The following ZNF83 variants were observed in gnomAD, a reference collection of about 807,000 sequenced individuals.
The protein encoded by ZNF83 is zinc finger protein 816B.
For synonymous variants in ZNF83, 209 were observed against 213.0 expected, an observed-to-expected ratio of 0.98 and a Z score of 0.17; for missense variants, 552 against 629.9, an observed-to-expected ratio of 0.88 and a Z score of 1.32.
chr19:52,655,265 T>C, intron 3 of ZNF83: 1 of 313,578 alleles, frequency 3.2e-6, no homozygotes. Context: ...GCTCATCTCC[T>C]GGGCCACCCT....
chr19:52,667,280 G>A (rs558494373), intron 1 of ZNF83, among the ~76,000 whole-genome samples: 1 of 150,738 alleles, frequency 6.6e-6, no homozygotes, highest in Admixed American at 6.6e-5. Context: ...AATGTTATAT[G>A]GTAAATTCTT....
intron 2 of ZNF83, among the ~76,000 whole-genome samples, chr19:52,629,601 C>G (rs1017429134): frequency 1.3e-5 from 2 of 152,122 alleles, no homozygotes; most frequent in African/African-American, 4.8e-5. Flanking sequence ...CAGCAATTTA[C>G]TCTTAAAAAG....
At chr19:52,613,062 T>C in exon 3 of ZNF83, 1 of 1,611,826 alleles carries the variant, frequency 6.2e-7, no homozygotes, top group Non-Finnish European at 8.5e-7. Flanking sequence ...TCTGATGACG[T>C]ACAAGATATG....
chr19:52,618,845 T>C (rs1300322260), intron 2 of ZNF83: 11 of 1,495,388 alleles, frequency 7.4e-6, no homozygotes, highest in Middle Eastern at 1.8e-4. Flanking sequence ...TCCATTTTAG[T>C]CAAGCAAGGA....
chr19:52,676,741 A>T (rs1296575683), intron 1 of ZNF83, among the ~76,000 whole-genome samples: 90 of 139,872 alleles, frequency 6.4e-4, no homozygotes, highest in African/African-American at 2.2e-3. Context: ...TCTGTGTAGA[A>T]AGAAGTAGAC....
At chr19:52,635,426 A>C in intron 1 of ZNF83, 1 of 203,376 alleles carries the variant, frequency 4.9e-6, no homozygotes, top group Non-Finnish European at 9.8e-6. Flanking sequence ...CCCTGACCAA[A>C]CCCCATGCAG....
chr19:52,648,157 T>C (rs542452922), intron 3 of ZNF83, among the ~76,000 whole-genome samples: 6 of 152,014 alleles, frequency 3.9e-5, no homozygotes, highest in African/African-American at 1.2e-4. Context: ...TCTTATCTTT[T>C]TTTTTTTTCA....
intron 3 of ZNF83, among the ~76,000 whole-genome samples, chr19:52,649,247 T>C (rs1475540116): frequency 6.6e-6 from 1 of 152,098 alleles, no homozygotes; most frequent in African/African-American, 2.4e-5. Flanking sequence ...CCACGTGAGT[T>C]TGTGCAGTTG....
At chr19:52,655,507 G>A in intron 3 of ZNF83, 1 of 1,404,784 alleles carries the variant, frequency 7.1e-7, no homozygotes, top group South Asian at 1.2e-5. Flanking sequence ...AAACCAGGAA[G>A]AGCCAAGATA....
intron 1 of ZNF83, among the ~76,000 whole-genome samples, chr19:52,683,155 C>A (rs1001681715): frequency 2.6e-5 from 4 of 152,048 alleles, no homozygotes; most frequent in African/African-American, 9.7e-5. Flanking sequence ...CAGGGGTGAG[C>A]CACCACAGCC....
At chr19:52,682,488 T>C (rs916966175) in intron 1 of ZNF83, among the ~76,000 whole-genome samples, 6 of 152,054 alleles carry the variant, frequency 3.9e-5, no homozygotes, top group Middle Eastern at 3.4e-3. Context: ...CTGGCCAACA[T>C]GGTGAAACTC....
intron 1 of ZNF83, among the ~76,000 whole-genome samples, chr19:52,685,093 A>T (rs2147367816): frequency 6.6e-6 from 1 of 152,308 alleles, no homozygotes; most frequent in Middle Eastern, 3.4e-3. Flanking sequence ...GGGGTACTGC[A>T]TCCCATTTAA....
intron 1 of ZNF83, among the ~76,000 whole-genome samples, chr19:52,670,925 G>T (rs2061716357): frequency 6.6e-6 from 1 of 152,164 alleles, no homozygotes; most frequent in African/African-American, 2.4e-5. Context: ...GGAGACCAAG[G>T]TTCTTTTGAA....
intron 3 of ZNF83, chr19:52,655,315 G>C (rs2061491413): frequency 2.6e-6 from 1 of 382,846 alleles, no homozygotes; most frequent in Non-Finnish European, 4.7e-6. Context: ...TCTCTGCTTA[G>C]AGCAGGATGA....
At chr19:52,682,164 A>G (rs2061933004) in intron 1 of ZNF83, among the ~76,000 whole-genome samples, 2 of 152,054 alleles carry the variant, frequency 1.3e-5, no homozygotes, top group South Asian at 4.2e-4. Context: ...CTATTAACTC[A>G]TTATTGTGAT....
intron 2 of ZNF83, among the ~76,000 whole-genome samples, chr19:52,659,757 C>T (rs1225015169): frequency 6.6e-6 from 1 of 152,138 alleles, no homozygotes; most frequent in African/African-American, 2.4e-5. Context: ...GAATATCCAA[C>T]ATGGATAAAT....
chr19:52,619,308 G>C (rs2060445461), intron 2 of ZNF83, among the ~76,000 whole-genome samples: 1 of 152,124 alleles, frequency 6.6e-6, no homozygotes, highest in African/African-American at 2.4e-5. Context: ...CAAATAAATA[G>C]ATGCCTGGTT....
intron 2 of ZNF83, among the ~76,000 whole-genome samples, chr19:52,657,676 C>T (rs531844590): frequency 9.9e-5 from 15 of 150,920 alleles, no homozygotes; most frequent in Non-Finnish European, 1.5e-4. Flanking sequence ...AGAGAAACCC[C>T]GTCTCTACTA....
At chr19:52,649,137 T>C (rs979614954) in intron 3 of ZNF83, among the ~76,000 whole-genome samples, 6 of 151,738 alleles carry the variant, frequency 4.0e-5, no homozygotes, top group African/African-American at 1.5e-4. Flanking sequence ...CACAGGTGAG[T>C]GGTTTTTTTG....
Sources: allele counts gnomAD v4.1 joint callset (sites outside exome capture counted in the v4.1 genomes callset), GRCh38; gene constraint gnomAD v4.1.1; transcripts MANE v1.5; gene names NCBI Gene and HGNC (gene_info 2026-07-23, HGNC 2026-07-21).